ZNF841: variants seen among roughly 807,000 people sequenced by gnomAD.
ZNF841 encodes the protein zinc finger protein 841, also known as TCONS_00006091.
In ZNF841, 11 loss-of-function variants were observed where a neutral mutation model predicts 13.0. That is an observed-to-expected ratio of 0.85 (90% CI 0.53 to 1.40). The LOEUF is 1.40. ZNF841 is among the 40% of genes most tolerant of loss of function. The probability of loss-of-function intolerance (pLI) is 0.00; values close to 1 mark genes in which losing one functional copy is unlikely to be tolerated. For synonymous variants in ZNF841, 369 were observed against 381.6 expected (o/e 0.97, Z 0.38); for missense variants, 1,068 against 1,139.5 (o/e 0.94, Z 0.90).
chr19:52,076,016 C>T lies in ZNF841; in HGVS notation c.271+28G>A. On this transcript the variant is annotated intron_variant, in intron 6 of 6. Transcript: ENST00000594440. ...TTACGCACACAATTTCATGGTACCG[C>T]TTCCATTGTGCCCATCTGAGCTCTT... The T allele has an allele frequency of 2.6e-6, 4 of 1,551,258 alleles. No homozygotes were observed. The South Asian group carries it at 4.8e-5, about 18-fold the overall frequency.
At chr19:52,060,760 G>C (rs919634875), downstream of ZNF841, among the ~76,000 whole-genome samples, 1 of 152,066 alleles carries the variant, frequency 6.6e-6, no homozygotes, top group Non-Finnish European at 1.5e-5. Flanking sequence ...GCAGCAGCTC[G>C]TCCAGGGCAA....
At chr19:52,088,246 C>A (rs16983438) in intron 3 of ZNF841, among the ~76,000 whole-genome samples, 32,070 of 152,004 alleles carry the variant, frequency 0.21, 4,715 homozygotes, top group African/African-American at 0.41. Context: ...CTGTGGACTC[C>A]ACTTAGGCCT....
chr19:52,083,999 TA>T (rs1236771777), intron 4 of ZNF841, among the ~76,000 whole-genome samples: 9 of 152,028 alleles, frequency 5.9e-5, no homozygotes, highest in African/African-American at 2.2e-4. Context: ...ATGTTTAAAA[TA>T]AATGTAATAT....
chr19:52,061,391 T>C (rs1371109492), downstream of ZNF841, among the ~76,000 whole-genome samples: 1 of 152,192 alleles, frequency 6.6e-6, no homozygotes, highest in Non-Finnish European at 1.5e-5. Flanking sequence ...AGACCTATTT[T>C]GCAAGAGGCA....
At chr19:52,078,567 CCG>C (rs1600093172) in intron 4 of ZNF841, among the ~76,000 whole-genome samples, 1 of 151,606 alleles carries the variant, frequency 6.6e-6, no homozygotes, top group East Asian at 2.0e-4. Flanking sequence ...GGTGTGGTGG[CCG>C]GCGCCTGTAA....
chr19:52,086,326 T>C (rs1490470368), intron 3 of ZNF841, among the ~76,000 whole-genome samples: 1 of 152,032 alleles, frequency 6.6e-6, no homozygotes, highest in Non-Finnish European at 1.5e-5. Context: ...GCTGTTCTTA[T>C]CATAGTGAGT....
At chr19:52,078,862 G>A (rs980568086) in intron 4 of ZNF841, among the ~76,000 whole-genome samples, 5 of 152,024 alleles carry the variant, frequency 3.3e-5, no homozygotes, top group Admixed American at 2.0e-4. Context: ...AAAGATAATA[G>A]GCTGATTTAT....
intron 1 of ZNF841, among the ~76,000 whole-genome samples, chr19:52,094,613 T>C (rs114748040): frequency 0.047 from 7,067 of 151,942 alleles, 448 homozygotes; most frequent in African/African-American, 0.15. Flanking sequence ...CCCTGTTACA[T>C]CTCCTTTGTT....
chr19:52,064,119 T>C (rs936505478), downstream of ZNF841, among the ~76,000 whole-genome samples: 80 of 148,662 alleles, frequency 5.4e-4, no homozygotes, highest in African/African-American at 1.9e-3. Flanking sequence ...CCGAGGCGGG[T>C]GGATCATGAG....
Position 52,065,593 on chromosome 19 carries a change from T to G in ZNF841, c.2289A>C (p.Lys763Asn). The G allele has an allele frequency of 6.2e-7, 1 of 1,613,530 alleles. No homozygotes were observed. Among genetic ancestry groups the G allele is most frequent in the Middle Eastern group, 1.7e-4 (1 of 6,060 alleles). ...TGCCACATTCATTACATTTGTAAGG[T>G]TTCTCTCCAGTATGAATTCTCCGAT... ...ARHRRIHTGE[K>N]PYKCNECGKV... Residue 763 changes from lysine to asparagine, a missense_variant, in exon 7 of 7, where the codon AAA (lysine) becomes AAC (asparagine). Transcript: ENST00000594440.
chr19:52,066,131 A>C lies in ZNF841; in HGVS notation c.1751T>G (p.Leu584Arg), dbSNP rs2087551238. Residue 584 changes from leucine to arginine, a missense_variant, in exon 7 of 7, where the codon CTA (leucine) becomes CGA (arginine). Leu to Arg is a moderately radical substitution (Grantham distance 102, BLOSUM62 -2). Coordinates refer to ENST00000594440, the MANE Select transcript of ZNF841 (RefSeq NM_001136499.2). ...GGTATGCATTCTTTGATGACGTGCTAGGCATGAATAGTAAGTGAAGACCAT... is the reference window on the plus strand; with the variant it reads ...GGTATGCATTCTTTGATGACGTGCTCGGCATGAATAGTAAGTGAAGACCAT... ...CGMVFTYYSCLARHQRMHTGE... is the reference protein window; with the variant it reads ...CGMVFTYYSCRARHQRMHTGE... The C allele has an allele frequency of 6.2e-7, 1 of 1,613,998 alleles. No homozygotes were observed. Among genetic ancestry groups the C allele is most frequent in the Non-Finnish European group, 8.5e-7 (1 of 1,179,984 alleles).
At chr19:52,061,765 C>T (rs539317201), downstream of ZNF841, among the ~76,000 whole-genome samples, 6 of 152,102 alleles carry the variant, frequency 3.9e-5, no homozygotes, top group Non-Finnish European at 8.8e-5. Flanking sequence ...AGGCTGGTCT[C>T]GAACTCCCGA....
At chr19:52,086,523 C>T (rs905141115) in intron 3 of ZNF841, among the ~76,000 whole-genome samples, 2 of 152,264 alleles carry the variant, frequency 1.3e-5, no homozygotes, top group Admixed American at 6.5e-5. Flanking sequence ...GCCAATTAAA[C>T]CTGTTTTCTT....
At chr19:52,075,735 G>A (rs983876827) in intron 6 of ZNF841, among the ~76,000 whole-genome samples, 38 of 152,128 alleles carry the variant, frequency 2.5e-4, no homozygotes, top group African/African-American at 9.2e-4. Flanking sequence ...AGACCACACG[G>A]GAAAGAGACT....
intron 6 of ZNF841, among the ~76,000 whole-genome samples, chr19:52,072,145 G>T (rs1415830533): frequency 6.6e-6 from 1 of 152,260 alleles, no homozygotes; most frequent in Non-Finnish European, 1.5e-5. Context: ...TTCACTAGGA[G>T]GATATAACAA....
Position 52,065,350 on chromosome 19 carries a change from A to G in ZNF841, c.2532T>C (p.Thr844=), listed in dbSNP as rs2087511544. Residue 844 remains threonine (T), a synonymous_variant, in exon 7 of 7, where the codon ACT becomes ACC. Transcript: ENST00000594440. ...SNLVYHQRNH[T]GEKPYKCMEC... is the part of the protein sequence containing the mutation. ...CCATACATTTGTATGGCTTCTCTCC[A>G]GTATGGTTTCTCTGATGGTAAACCA... 4 of 1,608,340 alleles carry G rather than the reference A, an allele frequency of 2.5e-6. No homozygotes were observed. Among genetic ancestry groups the G allele is most frequent in the Non-Finnish European group, 3.4e-6 (4 of 1,176,880 alleles).
chr19:52,065,607 G>A lies in ZNF841; in HGVS notation c.2275C>T (p.His759Tyr). ...TTTLARHRRIHTGEKPYKCNE... is the reference protein window; with the variant it reads ...TTTLARHRRIYTGEKPYKCNE... ...CATTTGTAAGGTTTCTCTCCAGTAT[G>A]AATTCTCCGATGCCTTGCCAGGGTT... Residue 759 changes from histidine to tyrosine, a missense_variant, in exon 7 of 7, where the codon CAT becomes TAT. By Grantham distance (83) the His-to-Tyr change is moderately conservative. Coordinates refer to ENST00000594440, the MANE Select transcript of ZNF841 (RefSeq NM_001136499.2). The A allele has an allele frequency of 6.2e-7, 1 of 1,613,052 alleles. No homozygotes were observed. The highest frequency in any genetic ancestry group is 8.5e-7 in the Non-Finnish European group (1 of 1,179,498).
intron 6 of ZNF841, among the ~76,000 whole-genome samples, chr19:52,069,129 A>G (rs2087671896): frequency 6.6e-6 from 1 of 152,170 alleles, no homozygotes; most frequent in Admixed American, 6.5e-5. Flanking sequence ...GCTGGAGTAC[A>G]GTGGCATGAT....
chr19:52,081,784 G>T (rs894037800), intron 4 of ZNF841, among the ~76,000 whole-genome samples: 3 of 152,154 alleles, frequency 2.0e-5, no homozygotes, highest in African/African-American at 7.2e-5. Flanking sequence ...AACCCGGGAG[G>T]CAGAGGATAC....
Sources: gnomAD v4.1 joint callset for allele counts (sites outside exome capture counted in the v4.1 genomes callset) on GRCh38, gnomAD v4.1.1 for gene constraint, MANE v1.5 for transcripts, NCBI Gene and HGNC (gene_info 2026-07-23, HGNC 2026-07-21) for gene names.